The following HELB variants were observed in gnomAD, a reference collection of about 807,000 sequenced individuals.
HELB encodes the protein DNA helicase B.
A neutral mutation model predicts 101.7 loss-of-function variants in HELB; 96 were observed. That is an observed-to-expected ratio of 0.94 (90% CI 0.80 to 1.12). The LOEUF (loss-of-function observed/expected upper bound fraction) is 1.12, where lower values mean the gene tolerates loss of function less well. Among genes scored for constraint, HELB ranks in the 50% most tolerant of loss-of-function variants. The pLI, the probability that HELB is intolerant of heterozygous loss-of-function variation, is 0.00. For missense variants in HELB, 1,210 were observed against 1,291.9 expected (o/e 0.94, Z 0.97); for synonymous variants, 437 against 459.7 (o/e 0.95, Z 0.63).
chr12:66,309,299 G>T (rs1387915761), intron 3 of HELB, among the ~76,000 whole-genome samples: 3 of 152,106 alleles, frequency 2.0e-5, no homozygotes, highest in Non-Finnish European at 4.4e-5. Flanking sequence ...CCATAGTAAG[G>T]AGTTAATAAT....
intron 1 of HELB, among the ~76,000 whole-genome samples, 195 bp downstream of exon 1, chr12:66,302,985 G>GTTTT (rs551432227): frequency 1.0e-4 from 14 of 136,656 alleles, no homozygotes; most frequent in African/African-American, 3.2e-4. Flanking sequence ...ATACTATGTG[G>GTTTT]TTTTTTTTTT....
chr12:66,306,636 T>C (rs773554834), intron 3 of HELB, 122 bp downstream of exon 3: 21 of 513,474 alleles, frequency 4.1e-5, no homozygotes, highest in Non-Finnish European at 6.5e-5. Context: ...GATTTATTTT[T>C]ATTCAAATGT....
chr12:66,310,953 T>A (rs1342477883), intron 4 of HELB, among the ~76,000 whole-genome samples: 1 of 151,784 alleles, frequency 6.6e-6, no homozygotes, highest in African/African-American at 2.4e-5. Flanking sequence ...ACAAAAAAAA[T>A]TTACCTTAAA....
chr12:66,316,600 T>TAATAATAATAAG (rs869235542), intron 6 of HELB, among the ~76,000 whole-genome samples: 2 of 141,426 alleles, frequency 1.4e-5, no homozygotes, highest in African/African-American at 5.0e-5. Context: ...ATAATAATAA[T>TAATAATAATAAG]AAGCCAGGTG....
At chr12:66,319,797 C>G (rs925066714) in intron 7 of HELB, among the ~76,000 whole-genome samples, 1 of 151,774 alleles carries the variant, frequency 6.6e-6, no homozygotes, top group Non-Finnish European at 1.5e-5. Flanking sequence ...TCTCACTTCC[C>G]GTGGGTTAGT....
At chr12:66,312,391 A>T (rs2053555003) in intron 4 of HELB, among the ~76,000 whole-genome samples, 1 of 152,230 alleles carries the variant, frequency 6.6e-6, no homozygotes, top group Non-Finnish European at 1.5e-5. Flanking sequence ...TTTAAGGAAG[A>T]TCATATAGAG....
At chr12:66,309,649 A>G (rs944263830) in intron 3 of HELB, 57 bp from the exon 4 acceptor site, 1 of 1,157,030 alleles carries the variant, frequency 8.6e-7, no homozygotes. Flanking sequence ...TTAATAAAGA[A>G]CATATTCATA....
intron 1 of HELB, among the ~76,000 whole-genome samples, chr12:66,304,485 A>T (rs556383391): frequency 6.6e-6 from 1 of 152,296 alleles, no homozygotes; most frequent in East Asian, 1.9e-4. Flanking sequence ...CCTGCTGTGT[A>T]CTGTGCTTGC....
At position 66,306,412 on chromosome 12, in the gene HELB, G is replaced by A. The variant is rs1177384779; in HGVS notation, c.675G>A (p.Leu225=). ...TAATGGAATTCCTTCCAGTTCTTCT[G>A]CCTCGACACTTTAAATGGATCATAG... ...PKIMEFLPVL[L]PRHFKWIIGS... Residue 225 remains leucine, a synonymous_variant, in exon 3 of 13, where the codon CTG becomes CTA. Transcript: ENST00000247815. The A allele has an allele frequency of 1.1e-5, 18 of 1,609,624 alleles. No individual in the cohort carries two copies. The highest frequency in any genetic ancestry group is 1.4e-5 in the Non-Finnish European group (16 of 1,177,858).
chr12:66,331,074 ACTTGTCTCCTTTC>A (rs779274288), intron 11 of HELB, 67 bp from the exon 12 acceptor site: 68 of 1,478,912 alleles, frequency 4.6e-5, no homozygotes, highest in Admixed American at 6.7e-5. Context: ...CACTTTGAAC[ACTTGTCTCCTTTC>A]CTTGTCTGTA....
chr12:66,312,163 C>T (rs146654098), intron 4 of HELB, among the ~76,000 whole-genome samples: 22 of 152,090 alleles, frequency 1.4e-4, no homozygotes, highest in South Asian at 1.0e-3. Context: ...TTTACAGAAA[C>T]GCCAGTTGAA....
At chr12:66,338,642 C>CAA (rs761931143), downstream of HELB, 61 of 135,364 alleles carry the variant, frequency 4.5e-4, no homozygotes, top group African/African-American at 1.4e-3. Context: ...ACTCCGTCTC[C>CAA]AAAAAAAAAA....
rs151043633 is a variant in HELB at position 66,331,383 on chromosome 12, C to A, written c.2900C>A (p.Ser967Tyr). ...GGCGCACCTCCAGCAGATTTTCCGTCCCCACGGAAGAGCTCTGGAGACAGT... is the reference window on the plus strand; with the variant it reads ...GGCGCACCTCCAGCAGATTTTCCGTACCCACGGAAGAGCTCTGGAGACAGT... ...SSGAPPADFP[S>Y]PRKSSGDSGG... is the part of the protein sequence containing the mutation. Residue 967 changes from serine to tyrosine, a missense_variant, in exon 12 of 13, where the codon TCC (serine) becomes TAC (tyrosine). Around this residue, in one of 2 missense-constraint regions of HELB, gnomAD observed 740 missense variants for 728.8 expected, o/e 1.02. Transcript: ENST00000247815. 7.4e-6 allele frequency: 12 copies of A among 1,614,072 alleles called. No homozygotes were observed. In the African/African-American group the frequency reaches 1.5e-4, roughly 20 times the overall value.
At chr12:66,337,888 G>T in intron 12 of HELB, 113 bp from the exon 13 acceptor site, 1 of 638,086 alleles carries the variant, frequency 1.6e-6, no homozygotes, top group Non-Finnish European at 2.7e-6. Flanking sequence ...AGCCTTTCAA[G>T]GGTTGGGGAA....
At chr12:66,321,715 G>A in intron 7 of HELB, 1 of 429,396 alleles carries the variant, frequency 2.3e-6, no homozygotes, top group South Asian at 2.2e-5. Context: ...TCCTGGCCAG[G>A]GGTTGACCTC....
chr12:66,320,240 A>AT (rs1239038821), intron 7 of HELB, among the ~76,000 whole-genome samples: 3 of 152,158 alleles, frequency 2.0e-5, no homozygotes, highest in Admixed American at 2.0e-4. Context: ...TGAAGTAAGA[A>AT]TTAATGTTCC....
intron 8 of HELB, 116 bp from the exon 9 acceptor site, chr12:66,322,608 C>G (rs1352758427): frequency 3.5e-6 from 2 of 565,492 alleles, no homozygotes; most frequent in Admixed American, 3.0e-5. Flanking sequence ...AATACTATTT[C>G]CTGGAGAAAG....
At chr12:66,320,307 T>C (rs1301479913) in intron 7 of HELB, among the ~76,000 whole-genome samples, 2 of 152,192 alleles carry the variant, frequency 1.3e-5, no homozygotes, top group Admixed American at 1.3e-4. Flanking sequence ...GTCACACACA[T>C]AGTAAAAGCT....
rs148678873 is a variant in HELB, at chr12:66,318,917, G to C, written c.2155+125G>C. ...GAGAAATATTGCTAGCAAAAAAAGA[G>C]ACATTGAAAATAAATGAACTTAGTA... On this transcript the variant is annotated intron_variant, in intron 7 of 12. Coordinates refer to ENST00000247815, the MANE Select transcript of HELB (RefSeq NM_001370285.1). 1.5e-5 allele frequency: 11 copies of C among 713,500 alleles called. No homozygotes were observed. In the East Asian group the frequency reaches 3.0e-4, roughly 20 times the overall value. The allele number at this position is 713,500 out of a possible 1,614,324, so 44.2% of individuals were successfully genotyped here. A position where few individuals can be genotyped will look rare whatever the true frequency, so the allele number is the denominator to read the frequency against.
Sources: allele counts gnomAD v4.1 joint callset (sites outside exome capture counted in the v4.1 genomes callset), GRCh38; gene constraint gnomAD v4.1.1; regional missense constraint gnomAD v4.1.1; transcripts MANE v1.5; gene names NCBI Gene and HGNC (gene_info 2026-07-23, HGNC 2026-07-21).